Variants in TENM3 observed in about 807,000 individuals in gnomAD.
The protein encoded by TENM3 is teneurin-3.
TENM3 carries 63 observed loss-of-function variants against 255.1 expected under a neutral mutation model. That is an observed-to-expected ratio of 0.25 (90% CI 0.20 to 0.30). TENM3 has a LOEUF of 0.30. Ranked by LOEUF, TENM3 falls within the 10% of genes least tolerant of loss-of-function variation. TENM3 has a pLI of 1.00. For synonymous variants in TENM3, 1,306 were observed against 1,322.3 expected, an observed-to-expected ratio of 0.99 and a Z score of 0.27; for missense variants, 2,929 against 3,461.1, an observed-to-expected ratio of 0.85 and a Z score of 3.86.
chr4:181,957,181 T>C, the TENM3 span, among the ~76,000 whole-genome samples: 1 of 152,202 alleles, frequency 6.6e-6, no homozygotes, highest in Non-Finnish European at 1.5e-5. Context: ...ATGTAGACTG[T>C]GTAAAGATGC....
chr4:182,228,035 C>A (rs916528754), intron 1 of TENM3, among the ~76,000 whole-genome samples: 2 of 151,944 alleles, frequency 1.3e-5, no homozygotes, highest in African/African-American at 4.8e-5. Context: ...GTCAAATATA[C>A]AGAGATTGAG....
intron 1 of TENM3, among the ~76,000 whole-genome samples, chr4:182,305,744 A>G (rs2150390784): frequency 6.6e-6 from 1 of 152,302 alleles, no homozygotes; most frequent in South Asian, 2.1e-4. Context: ...TTCAATGATC[A>G]GACTGTGTCC....
chr4:182,640,667 G>C (rs1752225304), intron 5 of TENM3, among the ~76,000 whole-genome samples: 1 of 152,168 alleles, frequency 6.6e-6, no homozygotes, highest in Admixed American at 6.5e-5. Context: ...TTTAGGAAAG[G>C]AGACTGAGAC....
At chr4:182,484,326 G>A (rs550004869) in intron 3 of TENM3, among the ~76,000 whole-genome samples, 1 of 152,262 alleles carries the variant, frequency 6.6e-6, no homozygotes, top group Non-Finnish European at 1.5e-5. Flanking sequence ...TTGAACCCAG[G>A]CAGTGTGGCT....
At chr4:182,180,669 T>TCTCA in intron 1 of TENM3, among the ~76,000 whole-genome samples, 1 of 150,918 alleles carries the variant, frequency 6.6e-6, no homozygotes, top group East Asian at 1.9e-4. Flanking sequence ...AGAGACAGGG[T>TCTCA]CTCACTATGT....
At chr4:181,559,350 C>T in the TENM3 span, among the ~76,000 whole-genome samples, 13 of 152,128 alleles carry the variant, frequency 8.5e-5, no homozygotes, top group African/African-American at 3.1e-4. Context: ...ATTGATCCAA[C>T]CTGTTTTCTG....
chr4:181,844,348 G>T, the TENM3 span, among the ~76,000 whole-genome samples: 2 of 152,056 alleles, frequency 1.3e-5, no homozygotes, highest in Non-Finnish European at 2.9e-5. Context: ...TATTACTGAT[G>T]ATTTTATACC....
At chr4:182,179,590 A>G (rs1752719050) in intron 1 of TENM3, among the ~76,000 whole-genome samples, 1 of 152,228 alleles carries the variant, frequency 6.6e-6, no homozygotes, top group Non-Finnish European at 1.5e-5. Flanking sequence ...AAAATAGACT[A>G]TGGTAGTTTA....
the TENM3 span, among the ~76,000 whole-genome samples, chr4:182,073,269 G>A: frequency 6.6e-6 from 1 of 152,166 alleles, no homozygotes; most frequent in Non-Finnish European, 1.5e-5. Flanking sequence ...ACTATCATGA[G>A]AACAGCATGG....
chr4:182,572,310 A>G (rs1258717261), intron 3 of TENM3, among the ~76,000 whole-genome samples: 1 of 152,236 alleles, frequency 6.6e-6, no homozygotes. Context: ...TAGTCTTAAA[A>G]TGAGAACATT....
intron 1 of TENM3, among the ~76,000 whole-genome samples, chr4:182,184,850 G>A (rs1190680977): frequency 3.9e-5 from 6 of 152,078 alleles, no homozygotes; most frequent in Non-Finnish European, 8.8e-5. Flanking sequence ...ACTTTGGGAG[G>A]CCGAGGTGTA....
chr4:182,466,521 T>TG (rs1580651317), intron 3 of TENM3, among the ~76,000 whole-genome samples: 2 of 151,384 alleles, frequency 1.3e-5, no homozygotes, highest in East Asian at 3.9e-4. Context: ...TTTGTGGAGG[T>TG]GGGGTCTCCC....
intron 5 of TENM3, among the ~76,000 whole-genome samples, chr4:182,633,698 G>A (rs1751598142): frequency 6.6e-6 from 1 of 152,242 alleles, no homozygotes; most frequent in African/African-American, 2.4e-5. Context: ...AACAACCTTA[G>A]GAGGTTTCTT....
At chr4:182,369,813 G>A (rs996430477) in intron 3 of TENM3, among the ~76,000 whole-genome samples, 19 of 152,060 alleles carry the variant, frequency 1.2e-4, no homozygotes, top group African/African-American at 3.6e-4. Flanking sequence ...CCCGGGAGGC[G>A]GTTGCAGGGA....
intron 4 of TENM3, among the ~76,000 whole-genome samples, chr4:182,618,317 GATT>G (rs1220121741): frequency 2.6e-5 from 4 of 151,946 alleles, no homozygotes; most frequent in Non-Finnish European, 5.9e-5. Context: ...AAGATAAAAT[GATT>G]ATATTAATCC....
In TENM3 at chr4:182,682,031, C is replaced by T. The variant is rs755397755; in HGVS notation, c.2035+17C>T. 14 of 1,608,366 alleles carry T rather than the reference C, an allele frequency of 8.7e-6. No homozygotes were observed. The South Asian group carries it at 1.4e-4, about 16-fold the overall frequency. Reference sequence around the variant, plus strand: ...GCTCAAACGGTGAGGTTAATAAATGCAGTACAATCGAGTTGCTTAATACTG... The same window carrying T: ...GCTCAAACGGTGAGGTTAATAAATGTAGTACAATCGAGTTGCTTAATACTG... On this transcript the variant is annotated intron_variant, in intron 11 of 27. Coordinates refer to ENST00000511685, the MANE Select transcript of TENM3 (RefSeq NM_001080477.4).
At chr4:182,355,911 T>TTATATA (rs112990350) in intron 3 of TENM3, among the ~76,000 whole-genome samples, 16 of 147,980 alleles carry the variant, frequency 1.1e-4, no homozygotes, top group African/African-American at 3.7e-4. Context: ...TATATATATA[T>TTATATA]TATATATATA....
At chr4:182,519,611 T>C (rs1346449830) in intron 3 of TENM3, among the ~76,000 whole-genome samples, 1 of 152,218 alleles carries the variant, frequency 6.6e-6, no homozygotes, top group African/African-American at 2.4e-5. Context: ...CCCATGTCTT[T>C]CTGAGAATTC....
chr4:181,828,032 C>G, the TENM3 span, among the ~76,000 whole-genome samples: 9 of 152,280 alleles, frequency 5.9e-5, no homozygotes, highest in African/African-American at 2.2e-4. Flanking sequence ...GTTCTGCCTG[C>G]TTGGAAACTG....
Sources: gnomAD v4.1 joint callset for allele counts (sites outside exome capture counted in the v4.1 genomes callset) on GRCh38, gnomAD v4.1.1 for gene constraint, MANE v1.5 for transcripts, NCBI Gene and HGNC (gene_info 2026-07-23, HGNC 2026-07-21) for gene names.